BCAT1: variants seen among roughly 807,000 people sequenced by gnomAD.
BCAT1 encodes branched chain amino acid transaminase 1.
A neutral mutation model predicts 52.4 loss-of-function variants in BCAT1; 48 were observed. The ratio of observed to expected loss-of-function variants is 0.92; its 90% CI spans 0.73 to 1.16. The LOEUF is 1.16. Among genes scored for constraint, BCAT1 ranks in the 50% most tolerant of loss-of-function variants. BCAT1 has a pLI of 0.00. For missense variants in BCAT1, 451 were observed against 457.1 expected, an observed-to-expected ratio of 0.99 and a Z score of 0.12; for synonymous variants, 167 against 161.3, an observed-to-expected ratio of 1.04 and a Z score of -0.27.
intron 5 of BCAT1, among the ~76,000 whole-genome samples, chr12:24,867,789 G>A (rs948283306): frequency 6.6e-6 from 1 of 152,186 alleles, no homozygotes; most frequent in African/African-American, 2.4e-5. Context: ...CAGATCACCT[G>A]AGGTCAGGAG....
chr12:24,944,396 C>A (rs1325421255), intron 1 of BCAT1, among the ~76,000 whole-genome samples: 1 of 152,194 alleles, frequency 6.6e-6, no homozygotes, highest in Non-Finnish European at 1.5e-5. Context: ...CCATCCTGTG[C>A]AAATCCACCC....
chr12:24,878,849 A>G (rs974001410), intron 4 of BCAT1, among the ~76,000 whole-genome samples, 200 bp from the exon 5 acceptor site: 2 of 152,196 alleles, frequency 1.3e-5, no homozygotes, highest in African/African-American at 4.8e-5. Context: ...ATTACACATT[A>G]TATGCATGCA....
chr12:24,845,832 G>A (rs764872314), intron 6 of BCAT1, among the ~76,000 whole-genome samples: 1 of 152,132 alleles, frequency 6.6e-6, no homozygotes, highest in Non-Finnish European at 1.5e-5. Context: ...CGAGGCAGGA[G>A]GATGGCTTGA....
intron 5 of BCAT1, among the ~76,000 whole-genome samples, chr12:24,860,444 C>G (rs1286209671): frequency 6.6e-6 from 1 of 151,940 alleles, no homozygotes; most frequent in Non-Finnish European, 1.5e-5. Context: ...AAATTATACT[C>G]CTATGAGAAA....
chr12:24,899,642 C>A (rs1489167157), intron 2 of BCAT1, among the ~76,000 whole-genome samples: 2 of 151,930 alleles, frequency 1.3e-5, no homozygotes, highest in African/African-American at 4.8e-5. Flanking sequence ...AAGTGTCCAT[C>A]AATGAACAAA....
At chr12:24,842,411 G>A (rs920929298) in intron 6 of BCAT1, among the ~76,000 whole-genome samples, 187 bp from the exon 7 acceptor site, 1 of 152,166 alleles carries the variant, frequency 6.6e-6, no homozygotes, top group Non-Finnish European at 1.5e-5. Context: ...AAATCTAAGT[G>A]ATTTAACTGC....
chr12:24,939,665 C>T (rs1299200558), intron 1 of BCAT1, among the ~76,000 whole-genome samples: 2 of 152,020 alleles, frequency 1.3e-5, no homozygotes, highest in Non-Finnish European at 2.9e-5. Flanking sequence ...GGCAAAACTC[C>T]GTCACTACTA....
chr12:24,835,517 C>T (rs969650050), intron 8 of BCAT1, among the ~76,000 whole-genome samples: 2 of 151,946 alleles, frequency 1.3e-5, no homozygotes, highest in Non-Finnish European at 2.9e-5. Context: ...GAATACATTA[C>T]GTCATTTCCA....
chr12:24,936,723 T>TCTCACA lies in BCAT1; in HGVS notation c.6+12203_6+12204insTGTGAG, dbSNP rs201793932. ...CTCTTTAAATCTCAATCTCTCTCTC[T>TCTCACA]CACACACACACACACACATACACAC... On this transcript the variant is annotated intron_variant, in intron 1 of 10. Coordinates refer to ENST00000261192, the MANE Select transcript of BCAT1 (RefSeq NM_005504.7). Among the ~76,000 whole-genome samples, 721 of 141,900 alleles carry TCTCACA rather than the reference T, an allele frequency of 5.1e-3. 11 individuals carry two copies. The highest frequency in any genetic ancestry group is 0.016 in the African/African-American group (634 of 39,958). The allele number at this position is 141,900 out of a possible 152,430, so 93.1% of individuals were successfully genotyped here.
chr12:24,933,739 A>C lies in BCAT1; in HGVS notation c.6+15188T>G, dbSNP rs1055193669. Among the ~76,000 whole-genome samples, 4 of 152,226 alleles carry C rather than the reference A, an allele frequency of 2.6e-5. No individual in the cohort carries two copies. In the South Asian group the frequency reaches 8.3e-4, roughly 32 times the overall value. ...AGTTTAGGAGCACAGGTTAATAGGC[A>C]GAAGAAGGAGAAAGGAAAACAGCCC... is the stretch of plus-strand genomic sequence containing the variant. On this transcript the variant is annotated intron_variant, in intron 1 of 10. Coordinates refer to ENST00000261192, the MANE Select transcript of BCAT1 (RefSeq NM_005504.7).
At chr12:24,892,629 G>A (rs747788097) in intron 3 of BCAT1, among the ~76,000 whole-genome samples, 5 of 152,158 alleles carry the variant, frequency 3.3e-5, no homozygotes, top group Non-Finnish European at 7.3e-5. Context: ...AAGGCAAGAG[G>A]ATTGCTTGAG....
At position 24,813,667 on chromosome 12, in the gene BCAT1, T is replaced by C. The variant is rs1939770738; in HGVS notation, c.*4341A>G. The C allele has an allele frequency of 6.6e-6, 1 of 152,046 alleles. No homozygotes were observed. The highest frequency in any genetic ancestry group is 2.4e-5 in the African/African-American group (1 of 41,434). The allele number at this position is 152,046 out of a possible 1,614,324, so 9.4% of individuals were successfully genotyped here. The stretch of plus-strand genomic sequence containing the variant: ...AAGGTAATTCACACCAGATGAGGAA[T>C]GGTGTGAACACTAACCTAAACACCA... On this transcript the variant is annotated 3_prime_UTR_variant, in exon 11 of 11. Transcript: ENST00000261192.
chr12:24,930,918 T>C (rs974899269), intron 1 of BCAT1, among the ~76,000 whole-genome samples: 2 of 104,644 alleles, frequency 1.9e-5, no homozygotes, highest in African/African-American at 7.3e-5. Flanking sequence ...TTTTTTTTTT[T>C]GAGATAGAGT....
chr12:24,910,558 A>C (rs937746787), intron 1 of BCAT1, among the ~76,000 whole-genome samples: 3 of 152,214 alleles, frequency 2.0e-5, no homozygotes, highest in Non-Finnish European at 2.9e-5. Flanking sequence ...GCCCAAAAAT[A>C]GGGATAAAAG....
rs1034508462 is a variant in BCAT1 at position 24,817,534 on chromosome 12, T to C, written c.*474A>G. On this transcript the variant is annotated 3_prime_UTR_variant, in exon 11 of 11. Coordinates refer to ENST00000261192, the MANE Select transcript of BCAT1 (RefSeq NM_005504.7). ...AACAGTGATGGGAGGAAATCCAGTT[T>C]TAAAAGTCTTGATTTAAAAAAAAGA... The C allele has an allele frequency of 6.4e-6, 1 of 157,040 alleles. No individual in the cohort carries two copies. 9.7% of individuals were successfully genotyped at this position (157,040 alleles called of 1,614,324 possible). A position where few individuals can be genotyped will look rare whatever the true frequency, so the allele number is the denominator to read the frequency against.
At chr12:24,903,364 T>G (rs1263837232) in intron 1 of BCAT1, 1 of 207,760 alleles carries the variant, frequency 4.8e-6, no homozygotes, top group African/African-American at 2.3e-5. Flanking sequence ...GAAGCGCCCC[T>G]CGGTCAAGGC....
At chr12:24,829,497 T>G (rs367650116) in intron 10 of BCAT1, among the ~76,000 whole-genome samples, 14 of 152,374 alleles carry the variant, frequency 9.2e-5, no homozygotes, top group African/African-American at 3.1e-4. Context: ...TCTTCCTTTT[T>G]TTAACAAAAG....
intron 6 of BCAT1, among the ~76,000 whole-genome samples, chr12:24,849,225 A>G (rs1490118774): frequency 1.3e-5 from 2 of 152,284 alleles, no homozygotes; most frequent in African/African-American, 4.8e-5. Flanking sequence ...ATTTCCTGCC[A>G]GCTACATATG....
rs1311165780 is a variant in BCAT1 at position 24,871,019 on chromosome 12, T to C, written c.510+7511A>G. ...GCCTGGGCAACAGAGCAAGACTCTGTCTCAAAAAAAGAAAAAAAAAAGATT... is the reference window on the plus strand; with the variant it reads ...GCCTGGGCAACAGAGCAAGACTCTGCCTCAAAAAAAGAAAAAAAAAAGATT... On this transcript the variant is annotated intron_variant, in intron 5 of 10. Transcript: ENST00000261192. Among the ~76,000 whole-genome samples, 3 of 151,192 alleles carry C rather than the reference T, an allele frequency of 2.0e-5. No individual in the cohort carries two copies. In the East Asian group the frequency reaches 5.8e-4, roughly 29 times the overall value.
Sources: allele counts gnomAD v4.1 joint callset (sites outside exome capture counted in the v4.1 genomes callset), GRCh38; gene constraint gnomAD v4.1.1; transcripts MANE v1.5; gene names NCBI Gene and HGNC (gene_info 2026-07-23, HGNC 2026-07-21).